ARSB: variants seen among roughly 807,000 people sequenced by gnomAD.
ARSB encodes the protein arylsulfatase B.
In ARSB, 41 loss-of-function variants were observed where a neutral mutation model predicts 50.9. The observed-to-expected ratio is 0.81, with a 90% confidence interval of 0.63 to 1.04. ARSB has a LOEUF of 1.04. Ranked by LOEUF, ARSB falls within the 50% of genes least tolerant of loss-of-function variation. ARSB has a pLI of 0.00. For synonymous variants in ARSB, 269 were observed against 284.8 expected, an observed-to-expected ratio of 0.94 and a Z score of 0.56; for missense variants, 672 against 693.3, an observed-to-expected ratio of 0.97 and a Z score of 0.35.
chr5:78,934,481 TA>T (rs1337169932), intron 4 of ARSB, among the ~76,000 whole-genome samples: 4 of 152,136 alleles, frequency 2.6e-5, no homozygotes, highest in Admixed American at 2.6e-4. Flanking sequence ...TATATATACT[TA>T]AGAACTTTCA....
chr5:78,853,622 T>C (rs1200562613), intron 5 of ARSB, among the ~76,000 whole-genome samples: 1 of 152,250 alleles, frequency 6.6e-6, no homozygotes, highest in Admixed American at 6.5e-5. Context: ...CTGCAGATGT[T>C]ACTGATGTCT....
At chr5:78,939,928 T>A (rs1400877265) in intron 4 of ARSB, among the ~76,000 whole-genome samples, 1 of 152,208 alleles carries the variant, frequency 6.6e-6, no homozygotes, top group African/African-American at 2.4e-5. Flanking sequence ...TTTCTCCACA[T>A]CCTCTCCAGC....
intron 6 of ARSB, among the ~76,000 whole-genome samples, chr5:78,786,998 C>G (rs1749096613): frequency 6.6e-6 from 1 of 152,024 alleles, no homozygotes; most frequent in Admixed American, 6.6e-5. Flanking sequence ...TCTTGGTATC[C>G]TTGTCAAAAC....
At chr5:78,785,940 A>ATG (rs1749069603) in intron 6 of ARSB, among the ~76,000 whole-genome samples, 1 of 152,202 alleles carries the variant, frequency 6.6e-6, no homozygotes, top group Non-Finnish European at 1.5e-5. Context: ...TTTCCTTCTA[A>ATG]TCAATAGGGA....
chr5:78,966,786 T>C (rs1393259366), intron 2 of ARSB, among the ~76,000 whole-genome samples: 2 of 152,214 alleles, frequency 1.3e-5, no homozygotes, highest in South Asian at 2.1e-4. Context: ...GACTCATCTT[T>C]TAGCAAAGGC....
At chr5:78,834,713 T>C (rs541296605) in intron 6 of ARSB, among the ~76,000 whole-genome samples, 1 of 148,964 alleles carries the variant, frequency 6.7e-6, no homozygotes, top group East Asian at 2.0e-4. Context: ...TTGGCTGTTC[T>C]GAGTAATGCT....
intron 4 of ARSB, among the ~76,000 whole-genome samples, chr5:78,949,419 A>T (rs959218000): frequency 1.3e-5 from 2 of 152,196 alleles, no homozygotes; most frequent in African/African-American, 2.4e-5. Flanking sequence ...AAGTGGGAAA[A>T]AATGAATCAC....
At chr5:78,967,321 T>G (rs1165018557) in intron 2 of ARSB, among the ~76,000 whole-genome samples, 1 of 152,214 alleles carries the variant, frequency 6.6e-6, no homozygotes, top group Non-Finnish European at 1.5e-5. Context: ...TCCATTTATC[T>G]TGTAAATAAT....
intron 6 of ARSB, among the ~76,000 whole-genome samples, chr5:78,822,786 T>C (rs1418307758): frequency 6.6e-6 from 1 of 152,110 alleles, no homozygotes; most frequent in African/African-American, 2.4e-5. Flanking sequence ...TACAGATGTG[T>C]GCCACCATGC....
chr5:78,787,568 T>G (rs1007959778), intron 6 of ARSB, among the ~76,000 whole-genome samples: 1 of 152,126 alleles, frequency 6.6e-6, no homozygotes, highest in African/African-American at 2.4e-5. Flanking sequence ...TTCCATGACA[T>G]GAAGTGATGA....
chr5:78,955,669 AATAT>A lies in ARSB; in HGVS notation c.691-171_691-168del, dbSNP rs58376189. Among the ~76,000 whole-genome samples the A allele has an allele frequency of 0.042, 6,390 of 152,296 alleles. 413 individuals carry two copies. The highest frequency in any genetic ancestry group is 0.14 in the African/African-American group (6,014 of 41,528). On this transcript the variant is annotated intron_variant, in intron 3 of 7. Coordinates refer to ENST00000264914, the MANE Select transcript of ARSB (RefSeq NM_000046.5). ...TGTATGATAAGGGACTCATCTCCAG[AATAT>A]ATAAAGAACCCTTACAACTCAATGA...
intron 4 of ARSB, among the ~76,000 whole-genome samples, chr5:78,927,251 G>A (rs1750097544): frequency 6.6e-6 from 1 of 152,096 alleles, no homozygotes; most frequent in Non-Finnish European, 1.5e-5. Flanking sequence ...TAAAAATTAT[G>A]GAGGTATTAT....
chr5:78,811,614 T>C (rs975565758), intron 6 of ARSB, among the ~76,000 whole-genome samples: 20 of 152,250 alleles, frequency 1.3e-4, no homozygotes, highest in African/African-American at 4.3e-4. Flanking sequence ...TTTTAAACAT[T>C]TGCATCTGTG....
chr5:78,831,176 C>T (rs960050184), intron 6 of ARSB, among the ~76,000 whole-genome samples: 1 of 152,028 alleles, frequency 6.6e-6, no homozygotes, highest in Non-Finnish European at 1.5e-5. Flanking sequence ...ATAATCGTTC[C>T]CAACGTATAG....
At chr5:78,841,171 A>AC (rs1554074366) in intron 5 of ARSB, among the ~76,000 whole-genome samples, 798 of 61,998 alleles carry the variant, frequency 0.013, 6 homozygotes, top group African/African-American at 0.022. Context: ...ACTACTACTA[A>AC]TAATAATAAT....
chr5:78,979,776 A>G (rs1249906336), intron 1 of ARSB, among the ~76,000 whole-genome samples: 1 of 152,210 alleles, frequency 6.6e-6, no homozygotes, highest in East Asian at 1.9e-4. Context: ...TCCTGCAACA[A>G]TACGGCGTTT....
chr5:78,944,774 G>A (rs544274178), intron 4 of ARSB, among the ~76,000 whole-genome samples: 22 of 152,316 alleles, frequency 1.4e-4, no homozygotes, highest in African/African-American at 4.1e-4. Context: ...CTCAAGCTGC[G>A]TGCTGGGAGA....
chr5:78,866,656 G>A (rs1007964518), intron 5 of ARSB, among the ~76,000 whole-genome samples: 2 of 152,182 alleles, frequency 1.3e-5, no homozygotes, highest in African/African-American at 4.8e-5. Context: ...GGCTGCCTTG[G>A]GCAGCTGAGA....
At chr5:78,894,187 A>G (rs140615160) in intron 4 of ARSB, among the ~76,000 whole-genome samples, 121 of 152,358 alleles carry the variant, frequency 7.9e-4, no homozygotes, top group Admixed American at 2.3e-3. Flanking sequence ...ACACACAGGA[A>G]CAAACAGAAT....
Sources: gnomAD v4.1 joint callset for allele counts (sites outside exome capture counted in the v4.1 genomes callset) on GRCh38, gnomAD v4.1.1 for gene constraint, MANE v1.5 for transcripts, NCBI Gene and HGNC (gene_info 2026-07-23, HGNC 2026-07-21) for gene names.